WWP2: variants seen among roughly 807,000 people sequenced by gnomAD.
The protein encoded by WWP2 is WW domain containing E3 ubiquitin protein ligase 2.
WWP2 carries 57 observed loss-of-function variants against 121.0 expected under a neutral mutation model. The ratio of observed to expected loss-of-function variants is 0.47; its 90% CI spans 0.38 to 0.59. The LOEUF (loss-of-function observed/expected upper bound fraction) is 0.59. WWP2 is among the 20% of genes least tolerant of loss of function. The pLI, the probability that WWP2 is intolerant of heterozygous loss-of-function variation, is 0.00. For synonymous variants in WWP2, 449 were observed against 441.3 expected (o/e 1.02, Z -0.22); for missense variants, 962 against 1,158.9 (o/e 0.83, Z 2.47).
chr16:69,773,373 T>C (rs1159455075), intron 1 of WWP2, among the ~76,000 whole-genome samples: 1 of 152,154 alleles, frequency 6.6e-6, no homozygotes, highest in Non-Finnish European at 1.5e-5. Context: ...GAGATTGGGT[T>C]TCACTATGTT....
At chr16:69,814,301 C>T (rs924512060) in intron 4 of WWP2, among the ~76,000 whole-genome samples, 2 of 152,144 alleles carry the variant, frequency 1.3e-5, no homozygotes, top group African/African-American at 4.8e-5. Context: ...GCTGGAACTA[C>T]AGGCATGCGG....
At chr16:69,934,720 C>T (rs1420953177) in intron 17 of WWP2, among the ~76,000 whole-genome samples, 5 of 150,836 alleles carry the variant, frequency 3.3e-5, no homozygotes, top group Non-Finnish European at 5.9e-5. Flanking sequence ...GACCCTGGGC[C>T]CCCTCTTGAC....
intron 1 of WWP2, among the ~76,000 whole-genome samples, chr16:69,781,559 G>A (rs958264249): frequency 2.0e-5 from 3 of 151,886 alleles, no homozygotes; most frequent in Non-Finnish European, 2.9e-5. Flanking sequence ...ATGTTGCCCA[G>A]GCTGGTCTTG....
chr16:69,910,375 CAT>C (rs1447921449), intron 9 of WWP2: 6 of 981,904 alleles, frequency 6.1e-6, no homozygotes, highest in Middle Eastern at 5.2e-4. Flanking sequence ...TACTTTATAA[CAT>C]GTGCACTTTA....
chr16:69,771,233 C>T (rs2055407662), intron 1 of WWP2, among the ~76,000 whole-genome samples: 1 of 152,086 alleles, frequency 6.6e-6, no homozygotes, highest in South Asian at 2.1e-4. Flanking sequence ...TTTCTCCTGT[C>T]AAAAGTTCTG....
In WWP2 at chr16:69,935,188, G is replaced by GC. The variant is rs1231322166; in HGVS notation, c.1843-663dup. Among the ~76,000 whole-genome samples the GC allele has an allele frequency of 2.0e-5, 3 of 152,188 alleles. No individual in the cohort carries two copies. Among genetic ancestry groups the GC allele is most frequent in the Non-Finnish European group, 4.4e-5 (3 of 68,040 alleles). ...TCTCCTTTCCTTCGCTTCTTCCCCT[G>GC]CCTTCCTGAGTGTCCCACCCGGCTC... On this transcript the variant is annotated intron_variant, in intron 17 of 23. Coordinates refer to ENST00000359154, the MANE Select transcript of WWP2 (RefSeq NM_001270454.2). This position sits in a 1 kb window ranked among gnomAD's most constrained non-coding sequence, Gnocchi z 5.2.
chr16:69,919,306 C>T (rs1034774783), intron 10 of WWP2, among the ~76,000 whole-genome samples: 1 of 152,246 alleles, frequency 6.6e-6, no homozygotes, highest in Non-Finnish European at 1.5e-5. Context: ...CCTGGGATTA[C>T]AGGCACACGC....
Position 69,937,407 on chromosome 16 carries a change from C to T in WWP2, c.2239-141C>T. On this transcript the variant is annotated intron_variant, in intron 20 of 23. Transcript: ENST00000359154. This position sits in a 1 kb window ranked among gnomAD's most constrained non-coding sequence, Gnocchi z 6.6. ...TCCCCAGACACTTGTTTCAAGAAAG[C>T]AGGGACTTACATTACCCATATTATT... 7.4e-7 allele frequency: 1 copy of T among 1,343,162 alleles called. No homozygotes were observed. The highest frequency in any genetic ancestry group is 1.5e-5 in the African/African-American group (1 of 68,388). 83.2% of individuals were successfully genotyped at this position (1,343,162 alleles called of 1,614,324 possible).
At chr16:69,866,273 TA>T (rs1416344386) in intron 6 of WWP2, among the ~76,000 whole-genome samples, 24 of 5,596 alleles carry the variant, frequency 4.3e-3, no homozygotes, top group African/African-American at 0.027. Flanking sequence ...TTTCACATTT[TA>T]TTTATTTATT....
At chr16:69,771,411 T>G (rs1040330308) in intron 1 of WWP2, among the ~76,000 whole-genome samples, 7 of 152,122 alleles carry the variant, frequency 4.6e-5, no homozygotes, top group Non-Finnish European at 1.0e-4. Flanking sequence ...CATGCCCGGC[T>G]AATTTTTGTA....
At chr16:69,915,125 C>T (rs1448469779) in intron 9 of WWP2, among the ~76,000 whole-genome samples, 1 of 152,198 alleles carries the variant, frequency 6.6e-6, no homozygotes, top group Non-Finnish European at 1.5e-5. Context: ...TGCCAGGCCA[C>T]CTGTCCCGTC....
At chr16:69,833,808 A>C (rs1225967366) in intron 4 of WWP2, among the ~76,000 whole-genome samples, 1 of 152,120 alleles carries the variant, frequency 6.6e-6, no homozygotes, top group African/African-American at 2.4e-5. Context: ...CTAAATTGGC[A>C]CTGTTTGCAG....
At chr16:69,856,807 A>G (rs900508431) in intron 6 of WWP2, among the ~76,000 whole-genome samples, 1 of 151,886 alleles carries the variant, frequency 6.6e-6, no homozygotes, top group Non-Finnish European at 1.5e-5. Context: ...TACAACAACA[A>G]CAACAAAACC....
At chr16:69,789,293 G>A (rs552017292) in intron 2 of WWP2, among the ~76,000 whole-genome samples, 67 of 152,032 alleles carry the variant, frequency 4.4e-4, no homozygotes, top group African/African-American at 1.5e-3. Flanking sequence ...GCAGTGGTGC[G>A]ATCTCGACTC....
intron 8 of WWP2, among the ~76,000 whole-genome samples, chr16:69,908,357 G>A (rs1735038631): frequency 6.6e-6 from 1 of 152,180 alleles, no homozygotes; most frequent in African/African-American, 2.4e-5. Flanking sequence ...CCCAGAAATT[G>A]CAATACAAAT....
At chr16:69,930,943 C>T (rs1037078621) in intron 13 of WWP2, among the ~76,000 whole-genome samples, 8 of 152,168 alleles carry the variant, frequency 5.3e-5, no homozygotes, top group African/African-American at 1.7e-4. Context: ...CCGAATGACA[C>T]TAGAGTTATT....
At chr16:69,837,653 A>G (rs2056900521) in intron 4 of WWP2, among the ~76,000 whole-genome samples, 1 of 152,162 alleles carries the variant, frequency 6.6e-6, no homozygotes, top group Admixed American at 6.5e-5. Context: ...GAAGGAGGAA[A>G]AAAAAGTGCC....
chr16:69,771,952 CTTTTTTTTTTT>C (rs56376857), intron 1 of WWP2, among the ~76,000 whole-genome samples: 3 of 55,808 alleles, frequency 5.4e-5, no homozygotes, highest in Non-Finnish European at 1.0e-4. Context: ...TCTTTTTAGT[CTTTTTTTTTTT>C]TTTTTTTTTT....
At chr16:69,844,684 G>A (rs893578738) in intron 6 of WWP2, among the ~76,000 whole-genome samples, 4 of 152,148 alleles carry the variant, frequency 2.6e-5, no homozygotes, top group Admixed American at 6.5e-5. Context: ...GATGCATTTT[G>A]GCCCATCACA....
Sources: gnomAD v4.1 joint callset for allele counts (sites outside exome capture counted in the v4.1 genomes callset) on GRCh38, gnomAD v4.1.1 for gene constraint, Gnocchi (gnomAD v3.1) non-coding constraint, MANE v1.5 for transcripts, NCBI Gene and HGNC (gene_info 2026-07-23, HGNC 2026-07-21) for gene names.